The following ZNF479 variants were observed in gnomAD, a reference collection of about 807,000 sequenced individuals.
The protein encoded by ZNF479 is zinc finger protein 479, also known as KRAB zinc finger protein KR19.
A neutral mutation model predicts 14.7 loss-of-function variants in ZNF479; 15 were observed. That is an observed-to-expected ratio of 1.02 (90% confidence interval 0.68 to 1.57). The LOEUF is 1.57. ZNF479 is among the 40% of genes most tolerant of loss of function. The probability of loss-of-function intolerance (pLI) is 0.00; values close to 1 mark genes in which losing one functional copy is unlikely to be tolerated. For missense variants in ZNF479, 506 were observed against 615.1 expected (o/e 0.82, Z 1.88); for synonymous variants, 145 against 211.5 (o/e 0.69, Z 2.73).
At position 57,120,940 on chromosome 7, in the gene ZNF479, T is replaced by C. The variant is rs1554400453; in HGVS notation, c.475A>G (p.Thr159Ala). The C allele has an allele frequency of 1.9e-6, 3 of 1,614,054 alleles. No homozygotes were observed. The South Asian group carries it at 3.3e-5, about 18-fold the overall frequency. ...CCAAAGACTTTGACATATTTATGAG[T>C]CTGAAATATTTTGTTTTGGGTAGTT... ...LSTTQNKIFQ[T>A]HKYVKVFGKF... The change falls in exon 4 of 4, where the codon ACT becomes GCT. Residue 159 changes from threonine to alanine, a missense_variant. Transcript: ENST00000319636.
intron 1 of ZNF479, among the ~76,000 whole-genome samples, chr7:57,129,775 T>A (rs189580603): frequency 1.3e-5 from 2 of 152,300 alleles, no homozygotes; most frequent in East Asian, 3.9e-4. Flanking sequence ...GCATTTTTAT[T>A]TCTTCTTATC....
rs200822871 is a variant in ZNF479 at position 57,120,708 on chromosome 7, G to C, written c.707C>G (p.Thr236Ser). Residue 236 changes from threonine to serine, a missense_variant, in exon 4 of 4, where the codon ACT becomes AGT. Thr to Ser is a moderately conservative substitution (Grantham distance 58). Coordinates refer to ENST00000319636, the MANE Select transcript of ZNF479 (RefSeq NM_001370129.2). The stretch of plus-strand genomic sequence containing the variant: ...CTCACATCTATATGGTTTCTCTCCA[G>C]TATGAATTATTTTATGTGTAGTATG... ...SNHTTHKIIH[T>S]GEKPYRCEEC... 6.7e-4 allele frequency: 1,085 copies of C among 1,612,568 alleles called. 8 individuals carry two copies. The African/African-American group carries it at 0.013, about 19-fold the overall frequency.
chr7:57,130,434 C>T (rs2115888891), intron 1 of ZNF479, among the ~76,000 whole-genome samples: 1 of 151,732 alleles, frequency 6.6e-6, no homozygotes, highest in East Asian at 1.9e-4. Context: ...GACCGCACCA[C>T]TGCACTCCAG....
At position 57,126,057 on chromosome 7, in the gene ZNF479, G is replaced by A; in HGVS notation, c.223C>T (p.Gln75Ter). 1 of 1,604,056 alleles carries A rather than the reference G, an allele frequency of 6.2e-7. No individual in the cohort carries two copies. The highest frequency in any genetic ancestry group is 8.5e-7 in the Non-Finnish European group (1 of 1,179,862). Residue 75 changes from glutamine to a stop codon, truncating the protein, a stop_gained, in exon 3 of 4, where the codon CAG becomes TAG. Coordinates refer to ENST00000319636, the MANE Select transcript of ZNF479 (RefSeq NM_001370129.2). LOFTEE classifies it low-confidence loss of function (END_TRUNC). Reference sequence around the variant, plus strand: ...ACCATCTCATTTCTCTTTATATTCTGGGACTCTTTATTTTGCTCCAGACAG... The same window carrying A: ...ACCATCTCATTTCTCTTTATATTCTAGGACTCTTTATTTTGCTCCAGACAG... ...ITCLEQNKES[Q>*]NIKRNEMVAK...
chr7:57,134,999 C>T (rs1437421721), upstream of ZNF479, among the ~76,000 whole-genome samples: 3 of 151,972 alleles, frequency 2.0e-5, no homozygotes, highest in East Asian at 1.9e-4. Context: ...ATTTCTTGTA[C>T]GAGATCCAAG....
intron 1 of ZNF479, among the ~76,000 whole-genome samples, chr7:57,127,015 C>CTTTTTTTTTTTTTTT (rs1175973407): frequency 7.7e-6 from 1 of 130,342 alleles, no homozygotes; most frequent in African/African-American, 2.7e-5. Flanking sequence ...TTCTGTTTTT[C>CTTTTTTTTTTTTTTT]TTTTTTTTTT....
At position 57,120,573 on chromosome 7, in the gene ZNF479, G is replaced by T. The variant is rs1554400213; in HGVS notation, c.842C>A (p.Ser281Tyr). Residue 281 changes from serine to tyrosine, a missense_variant, in exon 4 of 4, where the codon TCC becomes TAC. Coordinates refer to ENST00000319636, the MANE Select transcript of ZNF479 (RefSeq NM_001370129.2). ...CEECGQAFRR[S>Y]SALTNHKRIH... ...TCTCTTGTGGTTAGTAAGTGCTGAG[G>T]AGCGCCTAAAGGCTTGGCCACATTC... 6.2e-7 allele frequency: 1 copy of T among 1,613,804 alleles called. No individual in the cohort carries two copies. Among genetic ancestry groups the T allele is most frequent in the Non-Finnish European group, 8.5e-7 (1 of 1,179,906 alleles).
intron 1 of ZNF479, among the ~76,000 whole-genome samples, chr7:57,129,171 T>A (rs779551229): frequency 1.6e-4 from 24 of 152,192 alleles, no homozygotes; most frequent in Non-Finnish European, 2.9e-4. Flanking sequence ...AATGGGAGCA[T>A]GAACCGCACT....
At chr7:57,135,972 A>ACTCTCTCTCTCTCTCTCTCTCTCTCT (rs1562853618), upstream of ZNF479, among the ~76,000 whole-genome samples, 1 of 47,958 alleles carries the variant, frequency 2.1e-5, no homozygotes, top group African/African-American at 1.0e-4. Context: ...TCTCTCTCTC[A>ACTCTCTCTCTCTCTCTCTCTCTCTCT]ATCTCTCTCT....
intron 1 of ZNF479, 117 bp downstream of exon 1, chr7:57,132,169 T>C: frequency 1.3e-6 from 2 of 1,583,404 alleles, no homozygotes; most frequent in Non-Finnish European, 1.7e-6. Flanking sequence ...CCAAAGAGGA[T>C]TTGGGTCGGC....
At chr7:57,130,655 G>T (rs1448885732) in intron 1 of ZNF479, among the ~76,000 whole-genome samples, 1 of 152,180 alleles carries the variant, frequency 6.6e-6, no homozygotes, top group Non-Finnish European at 1.5e-5. Context: ...CTTATATGCT[G>T]CTGGTGAGAG....
intron 1 of ZNF479, among the ~76,000 whole-genome samples, chr7:57,130,956 G>C (rs1786392538): frequency 6.6e-6 from 1 of 152,174 alleles, no homozygotes; most frequent in African/African-American, 2.4e-5. Context: ...TTGCAGCAAT[G>C]TCGATTGAAC....
rs1229131515 is a variant in ZNF479 at position 57,117,762 on chromosome 7, T to C, written c.*2078A>G. Among the ~76,000 whole-genome samples the C allele has an allele frequency of 9.2e-5, 14 of 152,398 alleles. No individual in the cohort carries two copies. Among genetic ancestry groups the C allele is most frequent in the African/African-American group, 3.4e-4 (14 of 41,600 alleles). On this transcript the variant is annotated 3_prime_UTR_variant, in exon 4 of 4. Coordinates refer to ENST00000319636, the MANE Select transcript of ZNF479 (RefSeq NM_001370129.2). ...TCTCTCCTATCTCTGATGAAACAAC[T>C]GATCAAATACTTTCACAAACAATGG...
At chr7:57,124,893 G>A (rs1178039601) in intron 3 of ZNF479, among the ~76,000 whole-genome samples, 1 of 152,074 alleles carries the variant, frequency 6.6e-6, no homozygotes, top group Non-Finnish European at 1.5e-5. Context: ...TGACCAACAT[G>A]GTGAAACCCA....
chr7:57,123,442 A>C (rs1381256486), intron 3 of ZNF479, among the ~76,000 whole-genome samples: 2 of 152,236 alleles, frequency 1.3e-5, no homozygotes, highest in African/African-American at 4.8e-5. Flanking sequence ...AATAGGCTAA[A>C]CAGACATGTA....
At chr7:57,134,222 A>G (rs935661956), upstream of ZNF479, among the ~76,000 whole-genome samples, 2 of 152,300 alleles carry the variant, frequency 1.3e-5, no homozygotes, top group South Asian at 4.1e-4. Context: ...CACGAGATCC[A>G]TTTTACAAAG....
At chr7:57,137,589 C>A (rs567876838) in intron 1 of ZNF479, among the ~76,000 whole-genome samples, 1 of 152,328 alleles carries the variant, frequency 6.6e-6, no homozygotes, top group East Asian at 1.9e-4. Flanking sequence ...GACTCTGATC[C>A]TGAAGCTGGG....
At chr7:57,121,407 A>G (rs2040576758) in intron 3 of ZNF479, among the ~76,000 whole-genome samples, 3 of 152,194 alleles carry the variant, frequency 2.0e-5, no homozygotes. Flanking sequence ...AGAGAAAAGA[A>G]AAGTCTGCTA....
At chr7:57,127,473 G>C in intron 1 of ZNF479, 1 of 873,498 alleles carries the variant, frequency 1.1e-6, no homozygotes, top group Non-Finnish European at 1.4e-6. Context: ...TGTTTCAGGA[G>C]ATTTCCGAGG....
Sources: gnomAD v4.1 joint callset for allele counts (sites outside exome capture counted in the v4.1 genomes callset) on GRCh38, gnomAD v4.1.1 for gene constraint, MANE v1.5 for transcripts, NCBI Gene and HGNC (gene_info 2026-07-23, HGNC 2026-07-21) for gene names.